Variants in NR2C1 observed in about 807,000 individuals in gnomAD.
The protein encoded by NR2C1 is nuclear receptor subfamily 2 group C member 1.
In NR2C1, 33 loss-of-function variants were observed where a neutral mutation model predicts 74.8. The observed-to-expected ratio is 0.44, with a 90% CI of 0.33 to 0.59. NR2C1 has a LOEUF of 0.59. Ranked by LOEUF, NR2C1 falls within the 20% of genes least tolerant of loss-of-function variation. The probability of loss-of-function intolerance (pLI) is 0.02; values close to 1 mark genes in which losing one functional copy is unlikely to be tolerated. For missense variants in NR2C1, 568 were observed against 715.6 expected (o/e 0.79, Z 2.35); for synonymous variants, 225 against 240.6 (o/e 0.94, Z 0.60).
At chr12:95,049,665 G>A (rs1181370394) in intron 8 of NR2C1, among the ~76,000 whole-genome samples, 2 of 150,982 alleles carry the variant, frequency 1.3e-5, no homozygotes, top group African/African-American at 4.9e-5. Context: ...ATATATATAT[G>A]ATACTACAAG....
At position 95,062,670 on chromosome 12, in the gene NR2C1, G is replaced by T. The variant is rs756239896; in HGVS notation, c.123C>A (p.Gly41=). The T allele has an allele frequency of 1.2e-6, 2 of 1,614,106 alleles. No individual in the cohort carries two copies. The highest frequency in any genetic ancestry group is 1.7e-6 in the Non-Finnish European group (2 of 1,180,020). The change falls in exon 3 of 14, where the codon GGC becomes GGA. Residue 41 remains glycine (G), a synonymous_variant. Coordinates refer to ENST00000333003, the MANE Select transcript of NR2C1 (RefSeq NM_003297.4). ...IVTALDHNTQ[G]KQFILTNHDG... is the part of the protein sequence containing the mutation. Reference sequence around the variant, plus strand: ...CGTGATTTGTCAGAATGAACTGCTTGCCTTGGGTATTATGATCAAGTGCTG... The same window carrying T: ...CGTGATTTGTCAGAATGAACTGCTTTCCTTGGGTATTATGATCAAGTGCTG...
intron 2 of NR2C1, among the ~76,000 whole-genome samples, chr12:95,066,457 T>G (rs1412166155): frequency 6.6e-6 from 1 of 152,214 alleles, no homozygotes; most frequent in Non-Finnish European, 1.5e-5. Context: ...TGTATATATG[T>G]TAAAGAAAAT....
chr12:95,062,835 A>G (rs374137258), intron 2 of NR2C1, 97 bp from the exon 3 acceptor site: 3 of 853,684 alleles, frequency 3.5e-6, no homozygotes, highest in East Asian at 2.6e-5. Flanking sequence ...TATATTCAAT[A>G]TAACACACAC....
At chr12:95,037,894 CAAA>C (rs988473049) in intron 10 of NR2C1, among the ~76,000 whole-genome samples, 4 of 67,066 alleles carry the variant, frequency 6.0e-5, no homozygotes, top group Non-Finnish European at 8.6e-5. Context: ...GCCTCCATCT[CAAA>C]AAAAAAAAAA....
At chr12:95,056,836 G>GTAGTCCCA (rs1873962991) in intron 7 of NR2C1, among the ~76,000 whole-genome samples, 1 of 151,756 alleles carries the variant, frequency 6.6e-6, no homozygotes, top group Admixed American at 6.6e-5. Flanking sequence ...GCAGGTGCCT[G>GTAGTCCCA]TAGTCCCAGC....
In NR2C1 at chr12:95,049,201, G is replaced by C. The variant is rs1161298045; in HGVS notation, c.998C>G (p.Pro333Arg). 3 of 1,614,042 alleles carry C rather than the reference G, an allele frequency of 1.9e-6. No individual in the cohort carries two copies. The South Asian group carries it at 3.3e-5, about 18-fold the overall frequency. ...GCTCTGGCAGGCTGTGCTCTCTCCA[G>C]GATTCAATGCTTTTGCAAGAGTGTC... ...AFDTLAKALN[P>R]GESTACQSSV... Residue 333 changes from proline (P) to arginine (R), a missense_variant, in exon 9 of 14, where the codon CCT becomes CGT. By Grantham distance (103) the Pro-to-Arg change is moderately radical. Around this residue, in one of 6 missense-constraint regions of NR2C1, gnomAD observed 239 missense variants for 232.3 expected, o/e 1.03. Coordinates refer to ENST00000333003, the MANE Select transcript of NR2C1 (RefSeq NM_003297.4).
rs751920364 is a variant in NR2C1 at position 95,051,819 on chromosome 12, T to C, written c.908A>G (p.Asn303Ser). The C allele has an allele frequency of 2.5e-6, 4 of 1,608,656 alleles. No individual in the cohort carries two copies. The highest frequency in any genetic ancestry group is 4.5e-5 in the East Asian group (2 of 44,798). ...AAATTCACACAAAGAGGTATCATCA[T>C]TGCTTAAGCTTTCAATCATAGACAT... ...NEMSMIESLS[N>S]DDTSLCEFQE... is the part of the protein sequence containing the mutation. Residue 303 changes from asparagine to serine, a missense_variant, in exon 8 of 14, where the codon AAT becomes AGT. Physicochemically the swap from Asn to Ser is conservative, Grantham distance 46. This residue lies in a region of NR2C1 where 239 missense variants were observed against 232.3 expected (regional missense o/e 1.03). Coordinates refer to ENST00000333003, the MANE Select transcript of NR2C1 (RefSeq NM_003297.4).
intron 1 of NR2C1, among the ~76,000 whole-genome samples, chr12:95,068,661 G>A (rs567794608): frequency 2.6e-5 from 4 of 152,106 alleles, no homozygotes; most frequent in Admixed American, 6.6e-5. Flanking sequence ...AGGTGTGGTG[G>A]TACATGCCTG....
intron 10 of NR2C1, 86 bp from the exon 11 acceptor site, chr12:95,031,574 C>T: frequency 1.0e-6 from 1 of 954,592 alleles, no homozygotes; most frequent in East Asian, 3.0e-5. Flanking sequence ...TACTTAAAAA[C>T]AGCATATTAC....
chr12:95,072,305 C>T (rs2136216793), intron 1 of NR2C1, among the ~76,000 whole-genome samples: 1 of 147,954 alleles, frequency 6.8e-6, no homozygotes, highest in South Asian at 2.2e-4. Context: ...AACAAAAAAA[C>T]TAGCTGGGTG....
intron 1 of NR2C1, among the ~76,000 whole-genome samples, 184 bp from the exon 2 acceptor site, chr12:95,067,575 ATT>A (rs552387315): frequency 2.8e-5 from 4 of 143,052 alleles, no homozygotes; most frequent in Non-Finnish European, 3.1e-5. Context: ...TGTCTTTTTT[ATT>A]TTTTTTTTTT....
chr12:95,032,794 T>C (rs249170), intron 10 of NR2C1, among the ~76,000 whole-genome samples: 105,939 of 151,946 alleles, frequency 0.7, 37,150 homozygotes, highest in African/African-American at 0.75. Flanking sequence ...ATGGCGAAAC[T>C]CTATCTCTAC....
At chr12:95,041,714 G>T (rs1467779266) in intron 9 of NR2C1, among the ~76,000 whole-genome samples, 2 of 152,050 alleles carry the variant, frequency 1.3e-5, no homozygotes, top group African/African-American at 2.4e-5. Context: ...CACTACCAAG[G>T]GTGGGGTAGT....
chr12:95,044,859 G>A (rs1872106589), intron 9 of NR2C1, among the ~76,000 whole-genome samples: 1 of 152,150 alleles, frequency 6.6e-6, no homozygotes, highest in Admixed American at 6.5e-5. Context: ...TCCAGCCTGG[G>A]CTATAGAGCC....
intron 1 of NR2C1, among the ~76,000 whole-genome samples, chr12:95,072,142 G>A (rs933798415): frequency 6.6e-6 from 1 of 150,964 alleles, no homozygotes; most frequent in Non-Finnish European, 1.5e-5. Flanking sequence ...GGCCGGGCGC[G>A]GTGGCTCACG....
At chr12:95,064,482 T>C (rs922392176) in intron 2 of NR2C1, among the ~76,000 whole-genome samples, 1 of 151,974 alleles carries the variant, frequency 6.6e-6, no homozygotes, top group Non-Finnish European at 1.5e-5. Context: ...AACAATTAAA[T>C]TGGGATTTAC....
chr12:95,046,520 C>G (rs1872339098), intron 9 of NR2C1, among the ~76,000 whole-genome samples: 1 of 151,918 alleles, frequency 6.6e-6, no homozygotes, highest in Admixed American at 6.6e-5. Context: ...CCCAGGAGGT[C>G]GAGGCTGCAG....
At chr12:95,061,489 T>C (rs1565871759) in intron 3 of NR2C1, among the ~76,000 whole-genome samples, 1 of 152,244 alleles carries the variant, frequency 6.6e-6, no homozygotes, top group Non-Finnish European at 1.5e-5. Flanking sequence ...AAGGTACATA[T>C]AATGTTATAC....
chr12:95,065,399 T>G (rs541873371), intron 2 of NR2C1, among the ~76,000 whole-genome samples: 1 of 152,164 alleles, frequency 6.6e-6, no homozygotes, highest in South Asian at 2.1e-4. Context: ...AGTTAGAAAT[T>G]CAAAGAGAAA....
Sources: gnomAD v4.1 joint callset for allele counts (sites outside exome capture counted in the v4.1 genomes callset) on GRCh38, gnomAD v4.1.1 for gene constraint, gnomAD v4.1.1 regional missense constraint, MANE v1.5 for transcripts, NCBI Gene and HGNC (gene_info 2026-07-23, HGNC 2026-07-21) for gene names.